RSPH14: variants seen among roughly 807,000 people sequenced by gnomAD.
RSPH14 encodes the protein radial spoke head 14 homolog, also known as rhabdoid tumor deletion region gene 1.
Under a neutral mutation model 26.7 loss-of-function variants are expected in RSPH14, and 20 were observed. The ratio of observed to expected loss-of-function variants is 0.75; its 90% CI spans 0.53 to 1.09. The LOEUF is 1.09. RSPH14 is among the 50% of genes least tolerant of loss of function. RSPH14 has a pLI of 0.00. For synonymous variants in RSPH14, 177 were observed against 189.3 expected (o/e 0.93, Z 0.53); for missense variants, 449 against 457.2 (o/e 0.98, Z 0.16).
At chr22:23,157,531 T>C in the RSPH14 span, among the ~76,000 whole-genome samples, 2 of 152,154 alleles carry the variant, frequency 1.3e-5, no homozygotes, top group Admixed American at 1.3e-4. Flanking sequence ...AGTGCTGGAA[T>C]TACAGGCATG....
chr22:23,124,723 T>C, intron 4 of RSPH14: 1 of 180,000 alleles, frequency 5.6e-6, no homozygotes, highest in Non-Finnish European at 1.2e-5. Flanking sequence ...ACAGCCAGCG[T>C]TGTGGCCTGA....
intron 4 of RSPH14, among the ~76,000 whole-genome samples, chr22:23,120,010 C>A (rs568817958): frequency 1.3e-5 from 2 of 152,306 alleles, no homozygotes. Context: ...AAGCAGGGGC[C>A]TGAGCTGAGG....
chr22:23,117,776 C>T (rs1482070813), intron 4 of RSPH14, among the ~76,000 whole-genome samples: 2 of 152,230 alleles, frequency 1.3e-5, no homozygotes, highest in Non-Finnish European at 2.9e-5. Flanking sequence ...GTGCAGCATG[C>T]ACCGGCAGTG....
chr22:23,167,762 G>T, the RSPH14 span, among the ~76,000 whole-genome samples: 1 of 151,572 alleles, frequency 6.6e-6, no homozygotes, highest in Non-Finnish European at 1.5e-5. Context: ...TGCCTGGGCT[G>T]GCCTCAAACT....
chr22:23,145,143 C>G (rs969249701), upstream of RSPH14: 9 of 587,682 alleles, frequency 1.5e-5, no homozygotes, highest in African/African-American at 1.7e-4. Flanking sequence ...ATGCCATAAC[C>G]GCCCAACCTC....
chr22:23,115,733 C>T (rs1269303015), intron 4 of RSPH14, among the ~76,000 whole-genome samples: 1 of 152,228 alleles, frequency 6.6e-6, no homozygotes, highest in Non-Finnish European at 1.5e-5. Flanking sequence ...GGGGCCGGGG[C>T]TCATGTTTGA....
intron 2 of RSPH14, 70 bp downstream of exon 2, chr22:23,140,152 G>T: frequency 6.3e-7 from 1 of 1,583,672 alleles, no homozygotes; most frequent in Admixed American, 1.7e-5. Flanking sequence ...CCTTATTACT[G>T]AAGTTCTACC....
intron 5 of RSPH14, among the ~76,000 whole-genome samples, chr22:23,063,290 A>G (rs532632417): frequency 7.9e-4 from 120 of 152,314 alleles, no homozygotes; most frequent in Admixed American, 2.2e-3. Context: ...AGGGAAGGCA[A>G]GAGGGTCTCC....
chr22:23,102,321 G>C (rs561944952), intron 4 of RSPH14, among the ~76,000 whole-genome samples: 2 of 152,296 alleles, frequency 1.3e-5, no homozygotes, highest in East Asian at 3.9e-4. Flanking sequence ...AGCAGGGAGG[G>C]GTGGAGAAGG....
rs999469434 is a variant in RSPH14 at position 23,119,844 on chromosome 22, G to A, written c.421+14182C>T. Among the ~76,000 whole-genome samples the A allele has an allele frequency of 4.6e-5, 7 of 151,974 alleles. No individual in the cohort carries two copies. The East Asian group carries it at 5.8e-4, about 13-fold the overall frequency. On this transcript the variant is annotated intron_variant, in intron 4 of 6. Coordinates refer to ENST00000216036, the MANE Select transcript of RSPH14 (RefSeq NM_014433.3). ...AAGAAACAAGACCAGGAAACCAGGC[G>A]TCTACACAGAGATTTTGTTATTATT...
chr22:23,149,065 C>T (rs1342987013), upstream of RSPH14, among the ~76,000 whole-genome samples: 1 of 152,190 alleles, frequency 6.6e-6, no homozygotes, highest in Non-Finnish European at 1.5e-5. Flanking sequence ...GCCTCAATCA[C>T]AGCTGGAACT....
At chr22:23,081,844 G>T (rs1050570019) in intron 4 of RSPH14, among the ~76,000 whole-genome samples, 25 of 109,468 alleles carry the variant, frequency 2.3e-4, no homozygotes, top group Non-Finnish European at 2.9e-4. Flanking sequence ...AAAAAAAAAA[G>T]GCCAGGCGCA....
rs1307344029 is a variant in RSPH14 at position 23,066,995 on chromosome 22, C to T, written c.422-2862G>A. On this transcript the variant is annotated intron_variant, in intron 4 of 6. Transcript: ENST00000216036. Reference sequence around the variant, plus strand: ...CAGGGTCCTAGGGGCTCTGGAGGTGCACAAAGGGAGGCCCCGGGGAAGCTG... The same window carrying T: ...CAGGGTCCTAGGGGCTCTGGAGGTGTACAAAGGGAGGCCCCGGGGAAGCTG... Among the ~76,000 whole-genome samples, 3 of 152,152 alleles carry T rather than the reference C, an allele frequency of 2.0e-5. No individual in the cohort carries two copies. The East Asian group carries it at 5.8e-4, about 29-fold the overall frequency.
intron 3 of RSPH14, among the ~76,000 whole-genome samples, chr22:23,134,708 T>C (rs2070432457): frequency 6.7e-6 from 1 of 149,008 alleles, no homozygotes; most frequent in East Asian, 2.0e-4. Context: ...CTACTAAAAA[T>C]ACAAAAAATC....
At chr22:23,138,810 G>T in intron 3 of RSPH14, 30 bp downstream of exon 3, 1 of 1,533,624 alleles carries the variant, frequency 6.5e-7, no homozygotes, top group Non-Finnish European at 8.8e-7. Flanking sequence ...GCTCGCAAGC[G>T]TCACACTGGT....
At chr22:23,061,514 A>G (rs1210069182) in intron 6 of RSPH14, among the ~76,000 whole-genome samples, 2 of 152,260 alleles carry the variant, frequency 1.3e-5, no homozygotes, top group East Asian at 1.9e-4. Context: ...GTCACAGCTC[A>G]CAAGGGGCCT....
chr22:23,125,282 T>C (rs2070152944), intron 4 of RSPH14, among the ~76,000 whole-genome samples: 1 of 151,890 alleles, frequency 6.6e-6, no homozygotes, highest in Admixed American at 6.5e-5. Flanking sequence ...CTGGGGGTGA[T>C]GATGACTCCT....
the RSPH14 span, chr22:23,156,086 C>T: frequency 2.1e-5 from 32 of 1,505,494 alleles, no homozygotes; most frequent in Middle Eastern, 1.7e-4. Flanking sequence ...GGGTCCCTGC[C>T]GGGCTCCACA....
chr22:23,064,864 C>T (rs1046674746), intron 4 of RSPH14, among the ~76,000 whole-genome samples: 35 of 152,166 alleles, frequency 2.3e-4, no homozygotes, highest in Admixed American at 3.3e-4. Context: ...TCCCTTCCCT[C>T]CTGAGGAATG....
Sources: gnomAD v4.1 joint callset for allele counts (sites outside exome capture counted in the v4.1 genomes callset) on GRCh38, gnomAD v4.1.1 for gene constraint, MANE v1.5 for transcripts, NCBI Gene and HGNC (gene_info 2026-07-23, HGNC 2026-07-21) for gene names.